TPCN1: variants seen among roughly 807,000 people sequenced by gnomAD.
TPCN1 encodes two pore channel protein 1.
In TPCN1, 52 loss-of-function variants were observed where a neutral mutation model predicts 108.8. The observed-to-expected ratio is 0.48, with a 90% confidence interval of 0.38 to 0.60. The LOEUF (loss-of-function observed/expected upper bound fraction) is 0.60. TPCN1 is among the 20% of genes least tolerant of loss of function. The pLI, the probability that TPCN1 is intolerant of heterozygous loss-of-function variation, is 0.00. For missense variants in TPCN1, 806 were observed against 1,072.8 expected (o/e 0.75, Z 3.47); for synonymous variants, 446 against 433.7 (o/e 1.03, Z -0.35).
Position 113,272,768 on chromosome 12 carries a change from C to G in TPCN1, c.783+76C>G. 1 of 1,475,776 alleles carries G rather than the reference C, an allele frequency of 6.8e-7. No homozygotes were observed. The highest frequency in any genetic ancestry group is 9.5e-7 in the Non-Finnish European group (1 of 1,054,512). The allele number at this position is 1,475,776 out of a possible 1,614,324, so 91.4% of individuals were successfully genotyped here. ...CTCAGACAGGGTCACCGGCGTGACC[C>G]TGTGGCCATATGGGGAAGGGGGGGC... On this transcript the variant is annotated intron_variant, in intron 8 of 27. Coordinates refer to ENST00000335509, the MANE Select transcript of TPCN1 (RefSeq NM_017901.6). This position sits in a 1 kb window ranked among gnomAD's most constrained non-coding sequence, Gnocchi z 4.1.
intron 2 of TPCN1, among the ~76,000 whole-genome samples, chr12:113,245,579 C>T (rs1214485619): frequency 7.7e-6 from 1 of 130,446 alleles, no homozygotes; most frequent in South Asian, 2.4e-4. Context: ...CCAGCCTGGG[C>T]GACAGAGCAA....
chr12:113,271,404 A>G (rs1955495785), intron 7 of TPCN1, among the ~76,000 whole-genome samples: 1 of 152,182 alleles, frequency 6.6e-6, no homozygotes, highest in African/African-American at 2.4e-5. Flanking sequence ...GCTTTCCCCA[A>G]AGGTACCCCC....
At chr12:113,239,603 G>A (rs1954027411) in intron 2 of TPCN1, among the ~76,000 whole-genome samples, 2 of 152,190 alleles carry the variant, frequency 1.3e-5, no homozygotes, top group African/African-American at 2.4e-5. Flanking sequence ...AGCCCCTGGA[G>A]CCACTGGAGG....
At chr12:113,258,111 A>C (rs1362103562) in intron 2 of TPCN1, among the ~76,000 whole-genome samples, 1 of 152,218 alleles carries the variant, frequency 6.6e-6, no homozygotes, top group African/African-American at 2.4e-5. Flanking sequence ...AAATGTATCA[A>C]ACTGTATTCT....
In TPCN1 at chr12:113,288,694, G is replaced by A. The variant is rs937079424; in HGVS notation, c.1707-64G>A. On this transcript the variant is annotated intron_variant, in intron 20 of 27. Coordinates refer to ENST00000335509, the MANE Select transcript of TPCN1 (RefSeq NM_017901.6). The surrounding 1 kb of genome is among the most constrained non-coding windows in gnomAD (Gnocchi z 4.8). ...TCAGCCCCACGGGTCCGAGGAGGCCGGGGCTGCAGAGGAGCCGTTCCCTCC... is the reference window on the plus strand; with the variant it reads ...TCAGCCCCACGGGTCCGAGGAGGCCAGGGCTGCAGAGGAGCCGTTCCCTCC... 5.6e-6 allele frequency: 9 copies of A among 1,597,016 alleles called. No individual in the cohort carries two copies. The highest frequency in any genetic ancestry group is 2.7e-5 in the African/African-American group (2 of 74,814).
At position 113,296,155 on chromosome 12, in the gene TPCN1, T is replaced by C; in HGVS notation, c.*79T>C. The C allele has an allele frequency of 6.4e-7, 1 of 1,557,218 alleles. No individual in the cohort carries two copies. The highest frequency in any genetic ancestry group is 2.3e-5 in the East Asian group (1 of 44,010). Reference sequence around the variant, plus strand: ...CTGCGATGTACGGAACTGCGGTGTGTGTACACATACTCACGTATATGCACA... The same window carrying C: ...CTGCGATGTACGGAACTGCGGTGTGCGTACACATACTCACGTATATGCACA... On this transcript the variant is annotated 3_prime_UTR_variant, in exon 28 of 28. Coordinates refer to ENST00000335509, the MANE Select transcript of TPCN1 (RefSeq NM_017901.6).
At chr12:113,293,827 T>G (rs1298489090) in intron 27 of TPCN1, among the ~76,000 whole-genome samples, 1 of 152,176 alleles carries the variant, frequency 6.6e-6, no homozygotes, top group Non-Finnish European at 1.5e-5. Flanking sequence ...AAGGCCCTAC[T>G]GCGGTCGGGC....
chr12:113,279,391 A>ATTTTTTTTTTTTTTT (rs60898872), intron 14 of TPCN1, among the ~76,000 whole-genome samples: 1 of 10,488 alleles, frequency 9.5e-5, no homozygotes, highest in Non-Finnish European at 1.4e-4. Flanking sequence ...ATATATATAT[A>ATTTTTTTTTTTTTTT]TTTTTTTTTT....
In TPCN1 at chr12:113,278,813, G is replaced by A; in HGVS notation, c.1275G>A (p.Arg425=). 1 of 1,614,020 alleles carries A rather than the reference G, an allele frequency of 6.2e-7. No individual in the cohort carries two copies. Residue 425 remains arginine (R), a synonymous_variant, in exon 14 of 28, where the codon AGG becomes AGA. Transcript: ENST00000335509. ...NREHWFDELP[R]TALLIFKGIN... ...AGCACTGGTTTGATGAGCTTCCCAG[G>A]ACGGCGCTCCTCATCTTCAAAGGTA... is the stretch of plus-strand genomic sequence containing the variant.
chr12:113,290,454 T>C (rs184432948), intron 22 of TPCN1, among the ~76,000 whole-genome samples: 2 of 152,274 alleles, frequency 1.3e-5, no homozygotes, highest in Admixed American at 1.3e-4. Flanking sequence ...TTCCACTCTT[T>C]CCTGATATTT....
chr12:113,282,612 T>C (rs1955926348), intron 15 of TPCN1, among the ~76,000 whole-genome samples: 2 of 148,942 alleles, frequency 1.3e-5, no homozygotes, highest in Admixed American at 6.7e-5. Context: ...AAAAATTAAC[T>C]GGGTATGGTG....
At chr12:113,259,306 G>A (rs1954938996) in intron 2 of TPCN1, among the ~76,000 whole-genome samples, 1 of 152,004 alleles carries the variant, frequency 6.6e-6, no homozygotes, top group African/African-American at 2.4e-5. Flanking sequence ...TCTTCCTTCG[G>A]GTGGATCATT....
intron 15 of TPCN1, among the ~76,000 whole-genome samples, chr12:113,282,136 G>A (rs1384439135): frequency 7.0e-5 from 10 of 143,116 alleles, no homozygotes; most frequent in African/African-American, 2.4e-4. Context: ...TGTCACCCAG[G>A]CTGGAGTGCA....
intron 27 of TPCN1, 125 bp downstream of exon 27, chr12:113,293,474 G>C (rs964268188): frequency 3.2e-6 from 3 of 926,384 alleles, no homozygotes; most frequent in Non-Finnish European, 5.2e-6. Flanking sequence ...ACCGTCCATC[G>C]GGACCACTGC....
At chr12:113,236,111 C>T (rs1953883257) in intron 2 of TPCN1, among the ~76,000 whole-genome samples, 1 of 152,152 alleles carries the variant, frequency 6.6e-6, no homozygotes, top group African/African-American at 2.4e-5. Flanking sequence ...AGGGGAATGA[C>T]CATTGTTTTT....
chr12:113,266,371 TC>T lies in TPCN1; in HGVS notation c.414+17del. On this transcript the variant is annotated intron_variant, in intron 4 of 27. Transcript: ENST00000335509. The surrounding 1 kb of genome is among the most constrained non-coding windows in gnomAD (Gnocchi z 4.2). ...TTGGCATCTATGTGAGCGCACATGC[TC>T]CTCATACGGGGGGCTGGGAGCCACG... The T allele has an allele frequency of 1.2e-6, 2 of 1,602,146 alleles. No individual in the cohort carries two copies. The highest frequency in any genetic ancestry group is 1.7e-6 in the Non-Finnish European group (2 of 1,178,992).
rs1382832851 is a variant in TPCN1 at position 113,289,485 on chromosome 12, G to C, written c.1796+638G>C. Among the ~76,000 whole-genome samples, 1 of 152,168 alleles carries C rather than the reference G, an allele frequency of 6.6e-6. No individual in the cohort carries two copies. The highest frequency in any genetic ancestry group is 1.5e-5 in the Non-Finnish European group (1 of 68,036). ...TGGAACCAGAAGCCTATAGCAGTGGGTCCCAGACTTTAGAGCCCATTGCAG... is the reference window on the plus strand; with the variant it reads ...TGGAACCAGAAGCCTATAGCAGTGGCTCCCAGACTTTAGAGCCCATTGCAG... On this transcript the variant is annotated intron_variant, in intron 21 of 27. Coordinates refer to ENST00000335509, the MANE Select transcript of TPCN1 (RefSeq NM_017901.6). The surrounding 1 kb of genome is among the most constrained non-coding windows in gnomAD (Gnocchi z 4.1).
At chr12:113,291,138 G>T in intron 23 of TPCN1, 140 bp downstream of exon 23, 1 of 851,982 alleles carries the variant, frequency 1.2e-6, no homozygotes. Context: ...GGTGTTCAGT[G>T]GGGAGGCCAC....
chr12:113,255,898 T>C (rs1046740712), intron 2 of TPCN1, among the ~76,000 whole-genome samples: 4 of 151,446 alleles, frequency 2.6e-5, no homozygotes, highest in African/African-American at 7.3e-5. Context: ...TGATCATAGC[T>C]CACTCTAGCC....
Sources: allele counts gnomAD v4.1 joint callset (sites outside exome capture counted in the v4.1 genomes callset), GRCh38; gene constraint gnomAD v4.1.1; non-coding constraint Gnocchi (gnomAD v3.1); transcripts MANE v1.5; gene names NCBI Gene and HGNC (gene_info 2026-07-23, HGNC 2026-07-21).